The following EPHA6 variants were observed in gnomAD, a reference collection of about 807,000 sequenced individuals.
The protein encoded by EPHA6 is EPH receptor A6.
In EPHA6, 50 loss-of-function variants were observed where a neutral mutation model predicts 112.0. The ratio of observed to expected loss-of-function variants is 0.45; its 90% CI spans 0.36 to 0.56. The LOEUF (loss-of-function observed/expected upper bound fraction) is 0.56, where lower values mean the gene tolerates loss of function less well. Ranked by LOEUF, EPHA6 falls within the 20% of genes least tolerant of loss-of-function variation. The pLI is 0.00. For synonymous variants in EPHA6, 529 were observed against 490.7 expected, an observed-to-expected ratio of 1.08 and a Z score of -1.03; for missense variants, 1,280 against 1,417.4, an observed-to-expected ratio of 0.90 and a Z score of 1.56.
intron 5 of EPHA6, among the ~76,000 whole-genome samples, chr3:97,383,269 T>C (rs1312253233): frequency 6.6e-6 from 1 of 152,080 alleles, no homozygotes; most frequent in African/African-American, 2.4e-5. Flanking sequence ...AGTAATTGCA[T>C]TCTGATTGTG....
chr3:97,685,124 A>C (rs1258070167), intron 14 of EPHA6, among the ~76,000 whole-genome samples: 1 of 152,204 alleles, frequency 6.6e-6, no homozygotes, highest in Non-Finnish European at 1.5e-5. Context: ...ATATGATGTC[A>C]CTCATAAAAA....
Position 97,592,719 on chromosome 3 carries a change from C to T in EPHA6, c.2494C>T (p.Pro832Ser), listed in dbSNP as rs1305435086. Residue 832 changes from proline to serine, a missense_variant, in exon 12 of 18, where the codon CCC (proline) becomes TCC (serine). Physicochemically the swap from Pro to Ser is moderately conservative, Grantham distance 74 (BLOSUM62 -1). Coordinates refer to ENST00000389672, the MANE Select transcript of EPHA6 (RefSeq NM_001080448.3). Reference sequence around the variant, plus strand: ...TCCAGTGCCAGGGGGAGGATCTTTGCCCCCCAGGATTCCTGCTGGTAGGTA... The same window carrying T: ...TCCAGTGCCAGGGGGAGGATCTTTGTCCCCCAGGATTCCTGCTGGTAGGTA... ...PHPVPGGGSL[P>S]PRIPAGRPVM... 3 of 1,598,978 alleles carry T rather than the reference C, an allele frequency of 1.9e-6. No homozygotes were observed. The highest frequency in any genetic ancestry group is 1.8e-5 in the Admixed American group (1 of 56,014).
chr3:97,228,032 T>C (rs146424591), intron 4 of EPHA6, among the ~76,000 whole-genome samples: 3 of 152,154 alleles, frequency 2.0e-5, no homozygotes, highest in African/African-American at 7.2e-5. Context: ...AGCTTAATGG[T>C]AGTAAAGGAG....
At chr3:97,683,918 TA>T (rs1156568941) in intron 14 of EPHA6, among the ~76,000 whole-genome samples, 2 of 152,116 alleles carry the variant, frequency 1.3e-5, no homozygotes, top group African/African-American at 4.8e-5. Context: ...AGCCCATTCC[TA>T]AATCAATCAT....
At chr3:97,048,192 A>G (rs1390400721) in intron 3 of EPHA6, among the ~76,000 whole-genome samples, 1 of 152,230 alleles carries the variant, frequency 6.6e-6, no homozygotes, top group Non-Finnish European at 1.5e-5. Flanking sequence ...TATGACAAGC[A>G]TATCAAATCA....
chr3:97,046,798 T>C (rs2045523215), intron 3 of EPHA6, among the ~76,000 whole-genome samples: 1 of 152,100 alleles, frequency 6.6e-6, no homozygotes, highest in South Asian at 2.1e-4. Context: ...AAAAATGTCC[T>C]GCAAAAATTT....
At chr3:97,318,821 A>AT (rs1345953243) in intron 5 of EPHA6, among the ~76,000 whole-genome samples, 1 of 152,022 alleles carries the variant, frequency 6.6e-6, no homozygotes, top group Non-Finnish European at 1.5e-5. Context: ...TAATCCTTTG[A>AT]TAAAATATCA....
At chr3:96,941,419 G>T (rs547816429) in intron 2 of EPHA6, among the ~76,000 whole-genome samples, 1 of 151,904 alleles carries the variant, frequency 6.6e-6, no homozygotes, top group East Asian at 1.9e-4. Flanking sequence ...CATTCTTCAC[G>T]TAGTTCTCGA....
At chr3:97,167,098 G>A (rs1227403397) in intron 3 of EPHA6, among the ~76,000 whole-genome samples, 1 of 152,096 alleles carries the variant, frequency 6.6e-6, no homozygotes, top group Non-Finnish European at 1.5e-5. Flanking sequence ...ATTCATGTAT[G>A]CAAAATGCTG....
chr3:97,131,011 T>G (rs926814965), intron 3 of EPHA6, among the ~76,000 whole-genome samples: 1 of 152,130 alleles, frequency 6.6e-6, no homozygotes, highest in Non-Finnish European at 1.5e-5. Flanking sequence ...CTTTCATTAT[T>G]CCATCAGGAA....
chr3:97,740,814 A>G (rs570808610), intron 16 of EPHA6, among the ~76,000 whole-genome samples: 1 of 152,310 alleles, frequency 6.6e-6, no homozygotes, highest in African/African-American at 2.4e-5. Flanking sequence ...ATTTTGTTCA[A>G]TGCCACATAG....
intron 10 of EPHA6, among the ~76,000 whole-genome samples, chr3:97,493,320 G>A (rs183056061): frequency 6.6e-6 from 1 of 151,886 alleles, no homozygotes; most frequent in Non-Finnish European, 1.5e-5. Context: ...AGATTGGGTG[G>A]CTTAAAAGGC....
chr3:96,825,115 GA>G (rs2033560730), intron 1 of EPHA6, among the ~76,000 whole-genome samples: 1 of 151,806 alleles, frequency 6.6e-6, no homozygotes, highest in African/African-American at 2.4e-5. Flanking sequence ...TAAGATGAAT[GA>G]CTACTCCAGA....
At chr3:97,528,381 G>A (rs950920497) in intron 10 of EPHA6, among the ~76,000 whole-genome samples, 2 of 152,246 alleles carry the variant, frequency 1.3e-5, no homozygotes, top group African/African-American at 4.8e-5. Context: ...TTTTCTGAGA[G>A]AGGGATGTCA....
At chr3:97,243,899 C>A in intron 4 of EPHA6, 53 bp from the exon 5 acceptor site, 1 of 1,335,192 alleles carries the variant, frequency 7.5e-7, no homozygotes, top group South Asian at 1.5e-5. Context: ...ATTTTAGCGC[C>A]ATAATTCATT....
chr3:97,177,870 A>G (rs146101955), intron 3 of EPHA6, among the ~76,000 whole-genome samples: 1 of 152,176 alleles, frequency 6.6e-6, no homozygotes, highest in Admixed American at 6.6e-5. Context: ...CTTGTAGACA[A>G]CAGATCAGTG....
At chr3:97,219,742 A>T (rs777261737) in intron 3 of EPHA6, among the ~76,000 whole-genome samples, 1 of 152,182 alleles carries the variant, frequency 6.6e-6, no homozygotes. Context: ...GGCAATTAAC[A>T]TTCAGCTCCT....
intron 3 of EPHA6, among the ~76,000 whole-genome samples, chr3:97,177,235 G>A (rs954453870): frequency 1.3e-5 from 2 of 151,916 alleles, no homozygotes; most frequent in Non-Finnish European, 2.9e-5. Flanking sequence ...TGTGGTCAGA[G>A]AAGATGCTTG....
chr3:97,679,957 A>G (rs1177050163), intron 14 of EPHA6, among the ~76,000 whole-genome samples: 3 of 152,192 alleles, frequency 2.0e-5, no homozygotes, highest in South Asian at 2.1e-4. Context: ...TCAGTGGAAC[A>G]TATTTTGGGA....
Sources: gnomAD v4.1 joint callset for allele counts (sites outside exome capture counted in the v4.1 genomes callset) on GRCh38, gnomAD v4.1.1 for gene constraint, MANE v1.5 for transcripts, NCBI Gene and HGNC (gene_info 2026-07-23, HGNC 2026-07-21) for gene names.